The following CCSER1 variants were observed in gnomAD, a reference collection of about 807,000 sequenced individuals.
The protein encoded by CCSER1 is coiled-coil serine rich protein 1.
A neutral mutation model predicts 82.0 loss-of-function variants in CCSER1; 41 were observed. The observed-to-expected ratio is 0.50, with a 90% CI of 0.39 to 0.65. The LOEUF is 0.65. Ranked by LOEUF, CCSER1 falls within the 30% of genes least tolerant of loss-of-function variation. The pLI is 0.00. For synonymous variants in CCSER1, 414 were observed against 383.9 expected (o/e 1.08, Z -0.92); for missense variants, 1,119 against 1,064.2 (o/e 1.05, Z -0.72).
intron 5 of CCSER1, among the ~76,000 whole-genome samples, chr4:90,566,402 G>A (rs1779383506): frequency 6.6e-6 from 1 of 150,624 alleles, no homozygotes; most frequent in South Asian, 2.1e-4. Context: ...ATATGATTAA[G>A]CAGTTAGTAT....
At position 91,283,727 on chromosome 4, in the gene CCSER1, T is replaced by G. The variant is rs187796243; in HGVS notation, c.2217+197733T>G. On this transcript the variant is annotated intron_variant, in intron 10 of 10. Coordinates refer to ENST00000509176, the MANE Select transcript of CCSER1 (RefSeq NM_001145065.2). ...TAAGCCACCTTTATTTATTTTGATT[T>G]CTATTCATTTCTCCACCATTTTCTA... Among the ~76,000 whole-genome samples, 235 of 152,216 alleles carry G rather than the reference T, an allele frequency of 1.5e-3. 1 individual carries two copies. Among genetic ancestry groups the G allele is most frequent in the African/African-American group, 5.2e-3 (217 of 41,556 alleles).
At chr4:91,298,696 A>G (rs1309917094) in intron 10 of CCSER1, among the ~76,000 whole-genome samples, 1 of 152,022 alleles carries the variant, frequency 6.6e-6, no homozygotes, top group Non-Finnish European at 1.5e-5. Flanking sequence ...AAACTTTGGC[A>G]AGTTCTTTTG....
Position 90,174,203 on chromosome 4 carries a change from A to G in CCSER1, c.-42+46372A>G, listed in dbSNP as rs146861834. Among the ~76,000 whole-genome samples, 205 of 152,068 alleles carry G rather than the reference A, an allele frequency of 1.3e-3. 1 individual carries two copies. The highest frequency in any genetic ancestry group is 4.6e-3 in the African/African-American group (192 of 41,546). On this transcript the variant is annotated intron_variant, in intron 1 of 10. Transcript: ENST00000509176. ...CCTAAAAAGTCAAAAACTCTGAAGT[A>G]TAAGGAATATAAATATAACAAGAAA...
At chr4:91,441,165 C>T (rs1412195115) in intron 10 of CCSER1, among the ~76,000 whole-genome samples, 1 of 151,764 alleles carries the variant, frequency 6.6e-6, no homozygotes, top group Non-Finnish European at 1.5e-5. Flanking sequence ...GAGACACAAC[C>T]AAAAAAGAGA....
intron 9 of CCSER1, among the ~76,000 whole-genome samples, chr4:91,075,673 T>A (rs1239179471): frequency 6.6e-6 from 1 of 152,154 alleles, no homozygotes; most frequent in Non-Finnish European, 1.5e-5. Context: ...TGTGTTTTAG[T>A]GGAAATGATA....
At chr4:91,092,824 G>A (rs372674625) in intron 10 of CCSER1, among the ~76,000 whole-genome samples, 72 of 152,186 alleles carry the variant, frequency 4.7e-4, no homozygotes, top group East Asian at 1.7e-3. Flanking sequence ...ACTGATGCCC[G>A]GTAAGGAGTA....
intron 1 of CCSER1, among the ~76,000 whole-genome samples, chr4:90,131,341 C>A (rs1722800603): frequency 6.6e-6 from 1 of 152,192 alleles, no homozygotes; most frequent in Non-Finnish European, 1.5e-5. Context: ...TGTATTACTA[C>A]AGTAGTGCAA....
chr4:91,430,003 C>A (rs1754201063), intron 10 of CCSER1, among the ~76,000 whole-genome samples: 1 of 151,878 alleles, frequency 6.6e-6, no homozygotes, highest in Non-Finnish European at 1.5e-5. Context: ...CATTGTGTAA[C>A]ACTTTAAAAA....
intron 10 of CCSER1, among the ~76,000 whole-genome samples, chr4:91,576,480 C>T (rs1354803708): frequency 6.6e-6 from 1 of 151,772 alleles, no homozygotes; most frequent in Non-Finnish European, 1.5e-5. Flanking sequence ...TAATGCATAC[C>T]CTAGTGACTA....
intron 10 of CCSER1, among the ~76,000 whole-genome samples, chr4:91,213,047 A>G (rs1052419111): frequency 6.6e-6 from 1 of 152,184 alleles, no homozygotes; most frequent in African/African-American, 2.4e-5. Flanking sequence ...AGTTGCATCC[A>G]TGTTATTGCA....
At chr4:90,131,059 G>A (rs544010457) in intron 1 of CCSER1, among the ~76,000 whole-genome samples, 4 of 152,036 alleles carry the variant, frequency 2.6e-5, no homozygotes. Flanking sequence ...GTGCAGTGGC[G>A]CAATCTCGGC....
chr4:91,559,345 C>T (rs1400352), intron 10 of CCSER1, among the ~76,000 whole-genome samples: 81,559 of 151,332 alleles, frequency 0.54, 22,195 homozygotes, highest in East Asian at 0.61. Flanking sequence ...AAAATCAAAG[C>T]GTGTATAATT....
chr4:91,109,616 A>G (rs758398540), intron 10 of CCSER1, among the ~76,000 whole-genome samples: 1 of 152,220 alleles, frequency 6.6e-6, no homozygotes. Context: ...AAAACAGGTG[A>G]TAGTCATGTT....
At chr4:90,193,108 TTTTGA>T (rs1271281430) in intron 1 of CCSER1, among the ~76,000 whole-genome samples, 2 of 152,072 alleles carry the variant, frequency 1.3e-5, no homozygotes, top group African/African-American at 4.8e-5. Context: ...ATTAGTTTGT[TTTTGA>T]AAGAGTAAAA....
intron 10 of CCSER1, among the ~76,000 whole-genome samples, chr4:91,528,533 C>T (rs1206778418): frequency 6.6e-6 from 1 of 152,048 alleles, no homozygotes; most frequent in Non-Finnish European, 1.5e-5. Context: ...CTCGGGACTA[C>T]ATGTTAGGTT....
intron 1 of CCSER1, among the ~76,000 whole-genome samples, chr4:90,205,268 G>A (rs1738570059): frequency 6.6e-6 from 1 of 152,142 alleles, no homozygotes; most frequent in Non-Finnish European, 1.5e-5. Flanking sequence ...CTTGTCTTGT[G>A]CCAGTTTTCA....
intron 3 of CCSER1, among the ~76,000 whole-genome samples, chr4:90,377,223 A>G (rs1208543607): frequency 6.6e-6 from 1 of 152,210 alleles, no homozygotes; most frequent in East Asian, 1.9e-4. Flanking sequence ...CTGCACACAC[A>G]TTCTTCACAG....
chr4:91,316,529 A>G (rs1005279657), intron 10 of CCSER1, among the ~76,000 whole-genome samples: 2 of 152,046 alleles, frequency 1.3e-5, no homozygotes, highest in African/African-American at 4.8e-5. Flanking sequence ...AGTAGGATAT[A>G]CAATGTTTAT....
intron 10 of CCSER1, among the ~76,000 whole-genome samples, chr4:91,256,575 C>A (rs1368815268): frequency 2.6e-5 from 4 of 152,090 alleles, no homozygotes. Context: ...AAAATTTCTC[C>A]CTTTTTTAGT....
Sources: allele counts gnomAD v4.1 joint callset (sites outside exome capture counted in the v4.1 genomes callset), GRCh38; gene constraint gnomAD v4.1.1; transcripts MANE v1.5; gene names NCBI Gene and HGNC (gene_info 2026-07-23, HGNC 2026-07-21).